Variants in SPTLC3 observed in about 807,000 individuals in gnomAD.
SPTLC3 encodes serine palmitoyltransferase long chain base subunit 3.
SPTLC3 carries 36 observed loss-of-function variants against 59.3 expected under a neutral mutation model. The ratio of observed to expected loss-of-function variants is 0.61; its 90% confidence interval spans 0.47 to 0.80. The LOEUF (loss-of-function observed/expected upper bound fraction) is 0.80. Ranked by LOEUF, SPTLC3 falls within the 30% of genes least tolerant of loss-of-function variation. The pLI, the probability that SPTLC3 is intolerant of heterozygous loss-of-function variation, is 0.00. For missense variants in SPTLC3, 625 were observed against 685.1 expected, an observed-to-expected ratio of 0.91 and a Z score of 0.98; for synonymous variants, 257 against 240.8, an observed-to-expected ratio of 1.07 and a Z score of -0.62.
chr20:13,068,543 G>A (rs1600248283), intron 2 of SPTLC3, among the ~76,000 whole-genome samples: 1 of 152,132 alleles, frequency 6.6e-6, no homozygotes, highest in South Asian at 2.1e-4. Flanking sequence ...GGGGTGGAGT[G>A]GAAATACACA....
At chr20:13,065,704 C>CAA (rs2122550427) in intron 2 of SPTLC3, among the ~76,000 whole-genome samples, 1 of 123,102 alleles carries the variant, frequency 8.1e-6, no homozygotes, top group Admixed American at 8.1e-5. Flanking sequence ...ATTTTAAATA[C>CAA]TTCTCCTTTT....
chr20:13,144,268 G>GATTA (rs1411302841), intron 9 of SPTLC3, among the ~76,000 whole-genome samples: 2 of 152,116 alleles, frequency 1.3e-5, no homozygotes, highest in Non-Finnish European at 2.9e-5. Flanking sequence ...ATCTTGTTGT[G>GATTA]ATTAATTTTT....
At chr20:13,130,476 C>A (rs1048956185) in intron 9 of SPTLC3, among the ~76,000 whole-genome samples, 2 of 152,212 alleles carry the variant, frequency 1.3e-5, no homozygotes, top group Non-Finnish European at 2.9e-5. Flanking sequence ...CAAAGCCATA[C>A]GCTTCAAAGA....
intron 10 of SPTLC3, among the ~76,000 whole-genome samples, chr20:13,156,364 T>C (rs1432160672): frequency 6.6e-6 from 1 of 152,164 alleles, no homozygotes; most frequent in Non-Finnish European, 1.5e-5. Flanking sequence ...TGAAAACAAA[T>C]GCATGTAACT....
In SPTLC3 at chr20:13,166,655, A is replaced by T. The variant is rs1224084853; in HGVS notation, c.*1788A>T. ...TGTGCATTTAAATGAATTGTCCAAA[A>T]TGCATAAATGCCTTGCGTTCTATAA... is the stretch of plus-strand genomic sequence containing the variant. On this transcript the variant is annotated 3_prime_UTR_variant, in exon 12 of 12. Transcript: ENST00000399002. 1 of 152,240 alleles carries T rather than the reference A, an allele frequency of 6.6e-6. No individual in the cohort carries two copies. The highest frequency in any genetic ancestry group is 1.5e-5 in the Non-Finnish European group (1 of 68,042). The allele number at this position is 152,240 out of a possible 1,614,324, so 9.4% of individuals were successfully genotyped here.
At chr20:13,151,372 T>A (rs1452045632) in intron 9 of SPTLC3, among the ~76,000 whole-genome samples, 1 of 152,218 alleles carries the variant, frequency 6.6e-6, no homozygotes, top group Non-Finnish European at 1.5e-5. Context: ...AACACCCAAG[T>A]GGACTGCCTT....
intron 9 of SPTLC3, among the ~76,000 whole-genome samples, chr20:13,131,494 T>A (rs550521317): frequency 6.6e-6 from 1 of 152,308 alleles, no homozygotes; most frequent in East Asian, 1.9e-4. Context: ...CTCAATAAAG[T>A]CATAGTACTT....
chr20:13,143,846 T>C (rs1049365938), intron 9 of SPTLC3, among the ~76,000 whole-genome samples: 2 of 152,234 alleles, frequency 1.3e-5, no homozygotes, highest in African/African-American at 4.8e-5. Flanking sequence ...TTTGTCTTCT[T>C]GCCACAAATT....
At chr20:13,014,755 A>G (rs1985435425) in intron 1 of SPTLC3, among the ~76,000 whole-genome samples, 1 of 151,450 alleles carries the variant, frequency 6.6e-6, no homozygotes, top group Non-Finnish European at 1.5e-5. Context: ...CATCTGGGAG[A>G]TGGCGTACAA....
chr20:13,157,768 G>A (rs540542937), intron 10 of SPTLC3, among the ~76,000 whole-genome samples: 8 of 152,276 alleles, frequency 5.3e-5, no homozygotes, highest in African/African-American at 1.9e-4. Flanking sequence ...TTGCCCTGCT[G>A]TCTGGCTGTG....
intron 1 of SPTLC3, among the ~76,000 whole-genome samples, chr20:13,029,458 G>A (rs1986318787): frequency 6.6e-6 from 1 of 152,128 alleles, no homozygotes; most frequent in South Asian, 2.1e-4. Flanking sequence ...TGATTCAGGA[G>A]TATTGCTAGT....
chr20:13,097,201 A>G (rs1989447255), intron 6 of SPTLC3, among the ~76,000 whole-genome samples: 1 of 152,094 alleles, frequency 6.6e-6, no homozygotes, highest in South Asian at 2.1e-4. Context: ...ATGCTGAAGG[A>G]TTAAGATAAT....
intron 4 of SPTLC3, among the ~76,000 whole-genome samples, chr20:13,085,221 C>T (rs561082521): frequency 6.6e-6 from 1 of 152,190 alleles, no homozygotes; most frequent in East Asian, 1.9e-4. Context: ...TGGCTTCTTC[C>T]AGACTATCTC....
intron 6 of SPTLC3, among the ~76,000 whole-genome samples, chr20:13,102,986 T>C (rs1457999089): frequency 6.6e-6 from 1 of 152,158 alleles, no homozygotes; most frequent in African/African-American, 2.4e-5. Flanking sequence ...GGTCACCTGC[T>C]CTCAGCTGTC....
At chr20:13,044,370 G>C (rs547070915) in intron 1 of SPTLC3, among the ~76,000 whole-genome samples, 1 of 152,202 alleles carries the variant, frequency 6.6e-6, no homozygotes, top group Non-Finnish European at 1.5e-5. Context: ...CCAAAGTGCT[G>C]GGATTACAGG....
At chr20:13,052,238 T>C (rs1057376809) in intron 2 of SPTLC3, among the ~76,000 whole-genome samples, 4 of 151,940 alleles carry the variant, frequency 2.6e-5, no homozygotes, top group East Asian at 1.9e-4. Context: ...CGAAGCAGGG[T>C]GCGGCACTGC....
At chr20:13,038,063 A>ATATATATATATATATATATAATT (rs1568573202) in intron 1 of SPTLC3, among the ~76,000 whole-genome samples, 27 of 130,418 alleles carry the variant, frequency 2.1e-4, no homozygotes, top group African/African-American at 7.6e-4. Flanking sequence ...TATATATAAT[A>ATATATATATATATATATATAATT]TATCTTCATT....
chr20:13,073,769 A>G (rs3843771), intron 3 of SPTLC3: 35,577 of 583,410 alleles, frequency 0.061, 1,427 homozygotes, highest in Middle Eastern at 0.082. Context: ...CGGTCCAAAG[A>G]GGGCAGCCAG....
intron 8 of SPTLC3, among the ~76,000 whole-genome samples, chr20:13,124,576 A>AG (rs1169445744): frequency 6.6e-6 from 1 of 152,014 alleles, no homozygotes; most frequent in African/African-American, 2.4e-5. Flanking sequence ...GACGGGTGAA[A>AG]GGGGGGGATT....
Sources: allele counts gnomAD v4.1 joint callset (sites outside exome capture counted in the v4.1 genomes callset), GRCh38; gene constraint gnomAD v4.1.1; transcripts MANE v1.5; gene names NCBI Gene and HGNC (gene_info 2026-07-23, HGNC 2026-07-21).